The following MALRD1 variants were observed in gnomAD, a reference collection of about 807,000 sequenced individuals.
MALRD1 encodes the protein MAM and LDL-receptor class A domain-containing protein 1.
Under a neutral mutation model 242.1 loss-of-function variants are expected in MALRD1, and 247 were observed. The ratio of observed to expected loss-of-function variants is 1.02; its 90% CI spans 0.92 to 1.13. The LOEUF is 1.13. MALRD1 is among the 50% of genes most tolerant of loss of function. The pLI is 0.00. For missense variants in MALRD1, 2,989 were observed against 2,533.1 expected (o/e 1.18, Z -3.86); for synonymous variants, 995 against 866.6 (o/e 1.15, Z -2.60).
At chr10:19,381,328 G>A (rs1845829948) in intron 26 of MALRD1, among the ~76,000 whole-genome samples, 1 of 151,332 alleles carries the variant, frequency 6.6e-6, no homozygotes, top group South Asian at 2.1e-4. Context: ...ATTTGGGTTG[G>A]TTCCAAGTCT....
intron 28 of MALRD1, among the ~76,000 whole-genome samples, chr10:19,402,988 A>G (rs1405129139): frequency 8.5e-6 from 1 of 118,058 alleles, no homozygotes; most frequent in Admixed American, 8.4e-5. Context: ...GGCTCATTGT[A>G]GACTCATATA....
chr10:19,144,730 G>A (rs1446521202), intron 10 of MALRD1, among the ~76,000 whole-genome samples: 2 of 152,190 alleles, frequency 1.3e-5, no homozygotes, highest in African/African-American at 2.4e-5. Flanking sequence ...CAGGTTCAAA[G>A]TCTAGATGTT....
chr10:19,327,582 A>G lies in MALRD1; in HGVS notation c.3596A>G (p.Asn1199Ser), dbSNP rs916745815. 2 of 1,549,840 alleles carry G rather than the reference A, an allele frequency of 1.3e-6. No individual in the cohort carries two copies. Among genetic ancestry groups the G allele is most frequent in the Admixed American group, 3.9e-5 (2 of 50,980 alleles). ...CTATAGGTGCTCATCAAGAAAGATA[A>G]CGTTACTTCTAAATTGTGGGCTCAA... ...GSLQVLIKKD[N>S]VTSKLWAQTG... The change falls in exon 23 of 40, where the codon AAC becomes AGC. Residue 1199 changes from asparagine (N) to serine (S), a missense_variant. Asn to Ser is a conservative substitution (Grantham distance 46). Coordinates refer to ENST00000454679, the MANE Select transcript of MALRD1 (RefSeq NM_001142308.3).
At chr10:19,447,440 T>C (rs1185943296) in intron 28 of MALRD1, among the ~76,000 whole-genome samples, 1 of 152,194 alleles carries the variant, frequency 6.6e-6, no homozygotes, top group Non-Finnish European at 1.5e-5. Context: ...GCAAAATAAT[T>C]TACCCATTTT....
At chr10:19,265,950 A>G (rs1347765403) in intron 19 of MALRD1, among the ~76,000 whole-genome samples, 1 of 151,758 alleles carries the variant, frequency 6.6e-6, no homozygotes, top group Non-Finnish European at 1.5e-5. Flanking sequence ...ATTAATTGCT[A>G]TATATTTATA....
At chr10:19,225,461 A>G (rs545099251) in intron 18 of MALRD1, among the ~76,000 whole-genome samples, 4 of 152,208 alleles carry the variant, frequency 2.6e-5, no homozygotes, top group South Asian at 2.1e-4. Context: ...CTTTAAATCA[A>G]CGTTTCTATT....
intron 31 of MALRD1, among the ~76,000 whole-genome samples, chr10:19,500,720 A>G (rs1837931387): frequency 6.6e-6 from 1 of 152,246 alleles, no homozygotes; most frequent in Non-Finnish European, 1.5e-5. Context: ...GGGCCAACAC[A>G]TAATGACTTA....
chr10:19,536,712 C>T (rs1422173939), intron 32 of MALRD1, among the ~76,000 whole-genome samples: 1 of 152,092 alleles, frequency 6.6e-6, no homozygotes, highest in Non-Finnish European at 1.5e-5. Flanking sequence ...TGACAGTCAG[C>T]TTCAATTTGT....
chr10:19,467,197 A>G (rs867184208), intron 29 of MALRD1, among the ~76,000 whole-genome samples: 38 of 142,060 alleles, frequency 2.7e-4, no homozygotes, highest in African/African-American at 9.1e-4. Context: ...TACTAAAAAT[A>G]CAAAAAAATT....
At chr10:19,059,195 T>C (rs1332354877) in intron 1 of MALRD1, among the ~76,000 whole-genome samples, 3 of 152,174 alleles carry the variant, frequency 2.0e-5, no homozygotes, top group Admixed American at 2.0e-4. Flanking sequence ...AATGAGAAAG[T>C]GCTCATGAAA....
At chr10:19,566,172 A>G (rs778465018) in intron 32 of MALRD1, among the ~76,000 whole-genome samples, 1 of 152,036 alleles carries the variant, frequency 6.6e-6, no homozygotes, top group African/African-American at 2.4e-5. Context: ...TCTGTTGCCC[A>G]GGCTGGAATG....
At position 19,441,974 on chromosome 10, in the gene MALRD1, G is replaced by A. The variant is rs559584080; in HGVS notation, c.4846-8333G>A. 7.6e-4 allele frequency among the ~76,000 whole-genome samples: 116 copies of A among 152,274 alleles called. 1 individual carries two copies. The highest frequency in any genetic ancestry group is 1.4e-3 in the Non-Finnish European group (97 of 68,020). ...TTCTTCCTATCCATGAGCATGGAAT[G>A]TTCTTCCATTTGTTTGTGTCCTCTT... On this transcript the variant is annotated intron_variant, in intron 28 of 39. Transcript: ENST00000454679.
chr10:19,717,080 G>T (rs1344613186), intron 38 of MALRD1, among the ~76,000 whole-genome samples: 1 of 152,066 alleles, frequency 6.6e-6, no homozygotes, highest in Non-Finnish European at 1.5e-5. Context: ...TGATTTAAGA[G>T]CCTTGCTTCA....
intron 36 of MALRD1, among the ~76,000 whole-genome samples, chr10:19,616,601 T>C (rs1278844240): frequency 6.6e-6 from 1 of 152,008 alleles, no homozygotes; most frequent in Non-Finnish European, 1.5e-5. Flanking sequence ...AGCAGACCAA[T>C]GGATATATCA....
intron 18 of MALRD1, among the ~76,000 whole-genome samples, chr10:19,243,737 G>T (rs968240491): frequency 2.6e-5 from 4 of 152,070 alleles, no homozygotes; most frequent in African/African-American, 9.7e-5. Flanking sequence ...GATGGGAAAA[G>T]TATCAATTTT....
chr10:19,121,151 C>G (rs182333184), intron 5 of MALRD1, among the ~76,000 whole-genome samples: 1 of 145,828 alleles, frequency 6.9e-6, no homozygotes, highest in Non-Finnish European at 1.5e-5. Flanking sequence ...TCAAGCAATT[C>G]TCCTGCCTCA....
intron 13 of MALRD1, among the ~76,000 whole-genome samples, chr10:19,170,923 C>T (rs922351160): frequency 6.6e-6 from 1 of 151,974 alleles, no homozygotes; most frequent in Admixed American, 6.6e-5. Flanking sequence ...ATTATTGATA[C>T]CATCATCATT....
intron 32 of MALRD1, among the ~76,000 whole-genome samples, chr10:19,540,879 C>T (rs1413742343): frequency 6.6e-6 from 1 of 152,100 alleles, no homozygotes; most frequent in Non-Finnish European, 1.5e-5. Flanking sequence ...CTTTGGGAGG[C>T]CAAAGCAGGA....
At chr10:19,275,581 A>G (rs1338750156) in intron 19 of MALRD1, among the ~76,000 whole-genome samples, 1 of 152,142 alleles carries the variant, frequency 6.6e-6, no homozygotes, top group South Asian at 2.1e-4. Context: ...AGGCAGGAGA[A>G]TGGTGTGAAC....
Sources: allele counts gnomAD v4.1 joint callset (sites outside exome capture counted in the v4.1 genomes callset), GRCh38; gene constraint gnomAD v4.1.1; transcripts MANE v1.5; gene names NCBI Gene and HGNC (gene_info 2026-07-23, HGNC 2026-07-21).